The following NTM variants were observed in gnomAD, a reference collection of about 807,000 sequenced individuals.
NTM encodes IgLON family member 2.
In NTM, 13 loss-of-function variants were observed where a neutral mutation model predicts 42.1. That is an observed-to-expected ratio of 0.31 (90% CI 0.20 to 0.49). The LOEUF (loss-of-function observed/expected upper bound fraction) is 0.49. Among genes scored for constraint, NTM ranks in the 20% least tolerant of loss-of-function variants. NTM has a pLI of 0.99. For synonymous variants in NTM, 187 were observed against 179.2 expected, an observed-to-expected ratio of 1.04 and a Z score of -0.35; for missense variants, 373 against 452.8, an observed-to-expected ratio of 0.82 and a Z score of 1.60.
chr11:132,273,325 T>TG (rs1258918351), intron 4 of NTM, among the ~76,000 whole-genome samples: 1 of 145,712 alleles, frequency 6.9e-6, no homozygotes, highest in African/African-American at 2.5e-5. Flanking sequence ...TTTTTTTTTT[T>TG]TTTTTTTTTT....
rs1184816248 is a variant in NTM, at chr11:131,759,727, G to A, written c.83-151837G>A. 6.0e-5 allele frequency among the ~76,000 whole-genome samples: 9 copies of A among 150,758 alleles called. No homozygotes were observed. In the East Asian group the frequency reaches 1.8e-3, roughly 29 times the overall value. On this transcript the variant is annotated intron_variant, in intron 1 of 8. Transcript: ENST00000683400. ...CTTGTTAGGGCTTATTTTCATAGCT[G>A]CTACCAAACTTTATAAGAATATTCT...
chr11:132,049,627 C>T (rs1335628633), intron 2 of NTM, among the ~76,000 whole-genome samples: 1 of 152,190 alleles, frequency 6.6e-6, no homozygotes, highest in African/African-American at 2.4e-5. Flanking sequence ...CACATTGCTC[C>T]ATCACCCTCA....
intron 1 of NTM, chr11:131,660,451 C>G: frequency 2.2e-6 from 1 of 456,870 alleles, no homozygotes; most frequent in South Asian, 1.6e-5. Flanking sequence ...CCAGAAGCCA[C>G]CAGGTGGAAA....
intron 2 of NTM, among the ~76,000 whole-genome samples, chr11:132,047,574 C>A (rs1473715579): frequency 6.6e-6 from 1 of 152,186 alleles, no homozygotes; most frequent in Non-Finnish European, 1.5e-5. Context: ...TCCTGGTCTG[C>A]GAGGCAGGGG....
At chr11:132,018,056 CTGAGAA>C (rs2073718937) in intron 2 of NTM, among the ~76,000 whole-genome samples, 1 of 151,848 alleles carries the variant, frequency 6.6e-6, no homozygotes. Context: ...AGTGTATCAC[CTGAGAA>C]TAAGGACAAT....
At chr11:131,993,263 G>A (rs2067346376) in intron 2 of NTM, among the ~76,000 whole-genome samples, 1 of 152,128 alleles carries the variant, frequency 6.6e-6, no homozygotes, top group African/African-American at 2.4e-5. Flanking sequence ...AGGGGAGAAA[G>A]GTCTTACCTA....
At chr11:131,971,184 G>A (rs1471080683) in intron 2 of NTM, among the ~76,000 whole-genome samples, 1 of 152,158 alleles carries the variant, frequency 6.6e-6, no homozygotes, top group Non-Finnish European at 1.5e-5. Context: ...CGCCAGTAGA[G>A]TGCAAGAGTG....
chr11:131,885,721 G>A (rs1459702901), intron 1 of NTM, among the ~76,000 whole-genome samples: 3 of 152,140 alleles, frequency 2.0e-5, no homozygotes, highest in Non-Finnish European at 2.9e-5. Flanking sequence ...CTGAGGCCGC[G>A]GTTGAATTAT....
intron 1 of NTM, among the ~76,000 whole-genome samples, chr11:131,426,608 G>A (rs767074291): frequency 1.3e-5 from 2 of 152,154 alleles, no homozygotes; most frequent in Non-Finnish European, 2.9e-5. Context: ...GCTGCATTTC[G>A]GCGGCTCTTA....
intron 1 of NTM, among the ~76,000 whole-genome samples, chr11:131,860,370 C>A (rs1384998727): frequency 6.6e-6 from 1 of 152,164 alleles, no homozygotes; most frequent in African/African-American, 2.4e-5. Context: ...CCATGTGAGA[C>A]TTTCTTATGC....
chr11:131,794,732 C>T, intron 1 of NTM: 13 of 985,360 alleles, frequency 1.3e-5, no homozygotes, highest in South Asian at 4.7e-5. Context: ...GCAGAGATAG[C>T]TTGTGTAGGA....
At chr11:131,755,325 C>T (rs973752470) in intron 1 of NTM, among the ~76,000 whole-genome samples, 1 of 152,080 alleles carries the variant, frequency 6.6e-6, no homozygotes, top group East Asian at 1.9e-4. Flanking sequence ...ATCCCAATGA[C>T]CCTGGGGGTG....
At chr11:131,866,316 G>A (rs1035036213) in intron 1 of NTM, among the ~76,000 whole-genome samples, 2 of 152,202 alleles carry the variant, frequency 1.3e-5, no homozygotes, top group African/African-American at 4.8e-5. Flanking sequence ...GATTGCCTGT[G>A]GGGGTGGGGC....
At chr11:131,376,698 G>A (rs1390990136) in intron 1 of NTM, among the ~76,000 whole-genome samples, 3 of 148,974 alleles carry the variant, frequency 2.0e-5, no homozygotes, top group Non-Finnish European at 4.4e-5. Flanking sequence ...TTCAGTGAGA[G>A]TATTGCCCTT....
At chr11:131,695,132 C>T (rs1292473603) in intron 1 of NTM, among the ~76,000 whole-genome samples, 2 of 152,098 alleles carry the variant, frequency 1.3e-5, no homozygotes, top group African/African-American at 4.8e-5. Context: ...CTCTGGGCCA[C>T]GGACAGGCTG....
intron 1 of NTM, among the ~76,000 whole-genome samples, chr11:131,717,258 A>G (rs1234004032): frequency 6.6e-6 from 1 of 152,156 alleles, no homozygotes; most frequent in East Asian, 1.9e-4. Flanking sequence ...TAGCTTGCCA[A>G]TTTCTACTAA....
intron 2 of NTM, among the ~76,000 whole-genome samples, chr11:131,965,281 T>C (rs1430039571): frequency 6.6e-6 from 1 of 152,078 alleles, no homozygotes; most frequent in African/African-American, 2.4e-5. Flanking sequence ...TCCTCCAGTC[T>C]GTGGTTGCAA....
intron 1 of NTM, among the ~76,000 whole-genome samples, chr11:131,401,336 T>G (rs1400994314): frequency 6.6e-6 from 1 of 152,118 alleles, no homozygotes; most frequent in Non-Finnish European, 1.5e-5. Context: ...CTCTTCTTAG[T>G]TGTTTCCTTG....
intron 1 of NTM, among the ~76,000 whole-genome samples, chr11:131,457,728 C>G (rs139828517): frequency 9.2e-5 from 14 of 152,182 alleles, no homozygotes; most frequent in South Asian, 4.2e-4. Flanking sequence ...TCCTCCCCCC[C>G]CAAATTTATG....
Sources: gnomAD v4.1 joint callset for allele counts (sites outside exome capture counted in the v4.1 genomes callset) on GRCh38, gnomAD v4.1.1 for gene constraint, MANE v1.5 for transcripts, NCBI Gene and HGNC (gene_info 2026-07-23, HGNC 2026-07-21) for gene names.